IL6R: variants seen among roughly 807,000 people sequenced by gnomAD.
The protein encoded by IL6R is interleukin-6 receptor subunit alpha.
Under a neutral mutation model 48.3 loss-of-function variants are expected in IL6R, and 38 were observed. The ratio of observed to expected loss-of-function variants is 0.79; its 90% CI spans 0.61 to 1.03. The LOEUF (loss-of-function observed/expected upper bound fraction) is 1.03, where lower values mean the gene tolerates loss of function less well. Among genes scored for constraint, IL6R ranks in the 50% least tolerant of loss-of-function variants. The probability of loss-of-function intolerance (pLI) is 0.00; values close to 1 mark genes in which losing one functional copy is unlikely to be tolerated. For synonymous variants in IL6R, 264 were observed against 256.2 expected (o/e 1.03, Z -0.29); for missense variants, 534 against 618.3 (o/e 0.86, Z 1.45).
chr1:154,458,305 C>T (rs556511315), intron 9 of IL6R, among the ~76,000 whole-genome samples: 32 of 152,184 alleles, frequency 2.1e-4, no homozygotes, highest in Non-Finnish European at 3.7e-4. Flanking sequence ...GATTACAAGC[C>T]GTCTGAAGGG....
Position 154,413,646 on chromosome 1 carries a change from T to C in IL6R, c.85+7932T>C, listed in dbSNP as rs532715835. 1.1e-4 allele frequency among the ~76,000 whole-genome samples: 16 copies of C among 152,348 alleles called. No individual in the cohort carries two copies. The South Asian group carries it at 3.3e-3, about 32-fold the overall frequency. On this transcript the variant is annotated intron_variant, in intron 1 of 9. Coordinates refer to ENST00000368485, the MANE Select transcript of IL6R (RefSeq NM_000565.4). ...AAGATTGTATGGGTTTTTTAATGTATAACTGACATTTGCATAATCTACTAT... is the reference window on the plus strand; with the variant it reads ...AAGATTGTATGGGTTTTTTAATGTACAACTGACATTTGCATAATCTACTAT...
rs1303114333 is a variant in IL6R at position 154,465,525 on chromosome 1, C to T, written c.*145C>T. ...CGGAAGAGCCTTGCGGAAGGTTCTACGCCAGGGGAAAATCAGCCTGCTCCA... is the reference window on the plus strand; with the variant it reads ...CGGAAGAGCCTTGCGGAAGGTTCTATGCCAGGGGAAAATCAGCCTGCTCCA... On this transcript the variant is annotated 3_prime_UTR_variant, in exon 10 of 10. Transcript: ENST00000368485. 4.5e-6 allele frequency: 4 copies of T among 883,856 alleles called. No individual in the cohort carries two copies. The highest frequency in any genetic ancestry group is 5.2e-6 in the Non-Finnish European group (3 of 578,478). 54.8% of individuals were successfully genotyped at this position (883,856 alleles called of 1,614,324 possible).
chr1:154,418,785 C>A (rs780634615), intron 1 of IL6R, among the ~76,000 whole-genome samples: 2 of 152,102 alleles, frequency 1.3e-5, no homozygotes, highest in African/African-American at 4.8e-5. Context: ...ATACACGCTG[C>A]GGCTGTGGGG....
At chr1:154,446,452 T>TG (rs1690235568) in intron 6 of IL6R, among the ~76,000 whole-genome samples, 1 of 152,374 alleles carries the variant, frequency 6.6e-6, no homozygotes, top group South Asian at 2.1e-4. Context: ...TCCTTACTCC[T>TG]GGCCCAGCGA....
At chr1:154,432,600 C>T (rs920200082) in intron 3 of IL6R, among the ~76,000 whole-genome samples, 3 of 152,238 alleles carry the variant, frequency 2.0e-5, no homozygotes, top group Admixed American at 6.5e-5. Flanking sequence ...TAGGGTGATC[C>T]GCCTGTCTCG....
chr1:154,462,723 C>T (rs539254114), intron 9 of IL6R, among the ~76,000 whole-genome samples: 19 of 152,104 alleles, frequency 1.2e-4, no homozygotes, highest in African/African-American at 4.3e-4. Context: ...ACCAATTTCT[C>T]TTAATCAACC....
At chr1:154,453,039 T>C (rs1690673469) in intron 8 of IL6R, among the ~76,000 whole-genome samples, 1 of 151,280 alleles carries the variant, frequency 6.6e-6, no homozygotes. Context: ...ACCTCATCTC[T>C]ACAAAAAATA....
At chr1:154,417,020 G>A (rs184393511) in intron 1 of IL6R, among the ~76,000 whole-genome samples, 90 of 152,220 alleles carry the variant, frequency 5.9e-4, no homozygotes, top group South Asian at 2.5e-3. Context: ...TAGCTAAGGG[G>A]GTCAGGGAGG....
intron 1 of IL6R, among the ~76,000 whole-genome samples, chr1:154,425,545 T>G (rs1172303984): frequency 6.6e-6 from 1 of 151,652 alleles, no homozygotes; most frequent in Non-Finnish European, 1.5e-5. Context: ...GAGGCCCAGG[T>G]AGGAGGATTG....
chr1:154,450,144 T>TGTGTGTGTGTGTGTGTGTGTG (rs1553310169), intron 8 of IL6R, among the ~76,000 whole-genome samples, 164 bp downstream of exon 8: 2 of 61,780 alleles, frequency 3.2e-5, no homozygotes, highest in Non-Finnish European at 7.7e-5. Context: ...GTGTGTGTGT[T>TGTGTGTGTGTGTGTGTGTGTG]GGAGAGAGTC....
chr1:154,434,294 C>T (rs1362501774), intron 3 of IL6R, among the ~76,000 whole-genome samples: 1 of 152,028 alleles, frequency 6.6e-6, no homozygotes, highest in East Asian at 1.9e-4. Context: ...CTGGGTGACA[C>T]AGTGAGACTC....
chr1:154,437,568 A>G (rs984524585), intron 6 of IL6R: 2 of 382,138 alleles, frequency 5.2e-6, no homozygotes, highest in African/African-American at 4.3e-5. Flanking sequence ...CGTGTGCCAC[A>G]ATGCTAATTT....
intron 9 of IL6R, among the ~76,000 whole-genome samples, chr1:154,457,751 G>GC: frequency 6.6e-6 from 1 of 152,192 alleles, no homozygotes; most frequent in African/African-American, 2.4e-5. Flanking sequence ...GGTCTTCTAG[G>GC]CAGTGGTTAA....
intron 8 of IL6R, among the ~76,000 whole-genome samples, chr1:154,453,002 G>A (rs1690672396): frequency 6.6e-6 from 1 of 151,622 alleles, no homozygotes; most frequent in African/African-American, 2.4e-5. Context: ...GTCAGGAGTT[G>A]GAGACCAGCT....
At chr1:154,460,965 C>T (rs188539023) in intron 9 of IL6R, among the ~76,000 whole-genome samples, 5 of 152,176 alleles carry the variant, frequency 3.3e-5, no homozygotes, top group African/African-American at 9.6e-5. Flanking sequence ...CGTCTGGGCT[C>T]GCTGATATTT....
At chr1:154,454,982 C>T (rs1690793229) in intron 9 of IL6R, among the ~76,000 whole-genome samples, 1 of 151,732 alleles carries the variant, frequency 6.6e-6, no homozygotes, top group African/African-American at 2.4e-5. Context: ...TGCAATCTCG[C>T]CTCACAGGAC....
chr1:154,425,389 G>A (rs777306123), intron 1 of IL6R, among the ~76,000 whole-genome samples: 9 of 152,154 alleles, frequency 5.9e-5, no homozygotes, highest in Non-Finnish European at 8.8e-5. Context: ...GGGAATGACC[G>A]CAAACCTCCC....
rs1438514801 is a variant in IL6R, at chr1:154,405,444, G to A, written c.-186G>A. On this transcript the variant is annotated 5_prime_UTR_variant, in exon 1 of 10. Transcript: ENST00000368485. This position sits in a 1 kb window ranked among gnomAD's most constrained non-coding sequence, Gnocchi z 5.2. ...CGGGCCAGAGGGAGAGGAGCCGAGC[G>A]CGGCGCGGGGCCGAGGGACTCGCAG... 3.6e-6 allele frequency: 2 copies of A among 550,552 alleles called. No individual in the cohort carries two copies. Among genetic ancestry groups the A allele is most frequent in the African/African-American group, 2.0e-5 (1 of 49,152 alleles). The allele number at this position is 550,552 out of a possible 1,614,324, so 34.1% of individuals were successfully genotyped here.
In IL6R at chr1:154,448,382, T is replaced by C. The variant is rs535944328; in HGVS notation, c.996+211T>C. ...TGTAAGGAGTGGAGCAGCGCTGGCCTGGCGTGCAGAACTGCTCTGCGTCTA... is the reference window on the plus strand; with the variant it reads ...TGTAAGGAGTGGAGCAGCGCTGGCCCGGCGTGCAGAACTGCTCTGCGTCTA... On this transcript the variant is annotated intron_variant, in intron 7 of 9. Transcript: ENST00000368485. Among the ~76,000 whole-genome samples the C allele has an allele frequency of 3.0e-4, 46 of 152,372 alleles. No homozygotes were observed. The South Asian group carries it at 9.5e-3, about 32-fold the overall frequency.
Sources: gnomAD v4.1 joint callset for allele counts (sites outside exome capture counted in the v4.1 genomes callset) on GRCh38, gnomAD v4.1.1 for gene constraint, Gnocchi (gnomAD v3.1) non-coding constraint, MANE v1.5 for transcripts, NCBI Gene and HGNC (gene_info 2026-07-23, HGNC 2026-07-21) for gene names.